Variants in BANP observed in about 807,000 individuals in gnomAD.
The protein encoded by BANP is BTG3 associated nuclear protein.
In BANP, 11 loss-of-function variants were observed where a neutral mutation model predicts 68.1. The ratio of observed to expected loss-of-function variants is 0.16; its 90% confidence interval spans 0.10 to 0.27. The LOEUF (loss-of-function observed/expected upper bound fraction) is 0.27, where lower values mean the gene tolerates loss of function less well. Ranked by LOEUF, BANP falls within the 10% of genes least tolerant of loss-of-function variation. The probability of loss-of-function intolerance (pLI) is 1.00; values close to 1 mark genes in which losing one functional copy is unlikely to be tolerated. For missense variants in BANP, 504 were observed against 722.7 expected (o/e 0.70, Z 3.47); for synonymous variants, 329 against 303.2 (o/e 1.09, Z -0.88).
chr16:88,033,567 C>T (rs369475669), intron 9 of BANP, among the ~76,000 whole-genome samples: 4 of 152,136 alleles, frequency 2.6e-5, no homozygotes, highest in South Asian at 2.1e-4. Context: ...TGCCCCAGCT[C>T]GTGCTCCTGG....
chr16:88,004,191 C>A lies in BANP; in HGVS notation c.363-104C>A. ...TGACTCTTAGGCCTCCCCCTCAGTGCGGGTCCCTGGGAGTGGACTGTGTTG... is the reference window on the plus strand; with the variant it reads ...TGACTCTTAGGCCTCCCCCTCAGTGAGGGTCCCTGGGAGTGGACTGTGTTG... On this transcript the variant is annotated intron_variant, in intron 4 of 13. Coordinates refer to ENST00000682872, the MANE Select transcript of BANP (RefSeq NM_001386991.1). This position sits in a 1 kb window ranked among gnomAD's most constrained non-coding sequence, Gnocchi z 7.0. The A allele has an allele frequency of 6.7e-6, 5 of 750,172 alleles. No homozygotes were observed. Among genetic ancestry groups the A allele is most frequent in the Admixed American group, 2.0e-5 (1 of 49,464 alleles). The allele number at this position is 750,172 out of a possible 1,614,324, so 46.5% of individuals were successfully genotyped here. A position where few individuals can be genotyped will look rare whatever the true frequency, so the allele number is the denominator to read the frequency against.
At chr16:88,029,582 G>A (rs2077709073) in intron 8 of BANP, among the ~76,000 whole-genome samples, 1 of 146,982 alleles carries the variant, frequency 6.8e-6, no homozygotes, top group African/African-American at 2.5e-5. Flanking sequence ...CTGCACTCCA[G>A]CCTGGGCTAC....
chr16:88,034,398 A>T (rs1162587846), intron 9 of BANP, among the ~76,000 whole-genome samples: 2 of 152,236 alleles, frequency 1.3e-5, no homozygotes, highest in Non-Finnish European at 2.9e-5. Flanking sequence ...CAAATAAGAT[A>T]AGGAGTATTC....
intron 12 of BANP, among the ~76,000 whole-genome samples, chr16:88,070,481 G>A (rs1013663731): frequency 6.6e-6 from 1 of 152,168 alleles, no homozygotes; most frequent in African/African-American, 2.4e-5. Context: ...AAGGTCGACC[G>A]CTCCTTAGGT....
chr16:88,005,024 C>G (rs1374867191), intron 5 of BANP, among the ~76,000 whole-genome samples: 1 of 152,200 alleles, frequency 6.6e-6, no homozygotes, highest in Non-Finnish European at 1.5e-5. Flanking sequence ...TCTTTCCCAT[C>G]TGTGTCTTCA....
rs1257164565 is a variant in BANP, at chr16:88,027,487, C to T, written c.900C>T (p.His300=). ...DPLTIYGIRC[H]LFYKFGITES... is the part of the protein sequence containing the mutation. Reference sequence around the variant, plus strand: ...TCCTTGGATGTGTCCTTCCAGGTCACCTTTTCTATAAATTTGGCATCACAG... The same window carrying T: ...TCCTTGGATGTGTCCTTCCAGGTCATCTTTTCTATAAATTTGGCATCACAG... Residue 300 remains histidine (H), a synonymous_variant, in exon 8 of 14, where the codon CAC becomes CAT. Transcript: ENST00000682872. 3 of 1,613,604 alleles carry T rather than the reference C, an allele frequency of 1.9e-6. No individual in the cohort carries two copies. Among genetic ancestry groups the T allele is most frequent in the East Asian group, 2.2e-5 (1 of 44,812 alleles).
At chr16:88,044,233 G>A (rs1228636100) in intron 11 of BANP, among the ~76,000 whole-genome samples, 4 of 152,214 alleles carry the variant, frequency 2.6e-5, no homozygotes, top group Admixed American at 2.6e-4. Context: ...CAGCATCTGC[G>A]CAAGCCACAG....
chr16:88,069,954 CTCCTCT>C (rs1225636907), intron 12 of BANP, among the ~76,000 whole-genome samples: 1 of 152,158 alleles, frequency 6.6e-6, no homozygotes, highest in East Asian at 1.9e-4. Context: ...TCTCCTGTTC[CTCCTCT>C]TCCCCCCAGC....
chr16:88,032,217 C>G (rs1297875329), intron 8 of BANP, among the ~76,000 whole-genome samples: 1 of 151,762 alleles, frequency 6.6e-6, no homozygotes, highest in African/African-American at 2.4e-5. Context: ...CCCCTGTACC[C>G]CCGAGATGGA....
At chr16:87,951,130 G>A (rs1470648450), upstream of BANP, among the ~76,000 whole-genome samples, 1 of 152,242 alleles carries the variant, frequency 6.6e-6, no homozygotes, top group East Asian at 1.9e-4. Flanking sequence ...TAGTAGTTGA[G>A]GGAGCTAATG....
At chr16:87,961,431 G>A (rs1162788873) in intron 1 of BANP, among the ~76,000 whole-genome samples, 1 of 91,334 alleles carries the variant, frequency 1.1e-5, no homozygotes, top group Non-Finnish European at 3.1e-5. Context: ...CTCCCAAAGT[G>A]CTGGGATTAC....
Position 88,025,744 on chromosome 16 carries a change from T to C in BANP, c.896-1739T>C, listed in dbSNP as rs187269610. ...CAAACACTTCTTCCTCTGTTTTAAT[T>C]ATTTCCACCATTTTAGTCTCAATGG... On this transcript the variant is annotated intron_variant, in intron 7 of 13. Transcript: ENST00000682872. 1.2e-3 allele frequency among the ~76,000 whole-genome samples: 176 copies of C among 152,340 alleles called. 1 individual carries two copies. Among genetic ancestry groups the C allele is most frequent in the African/African-American group, 3.9e-3 (164 of 41,574 alleles).
intron 13 of BANP, among the ~76,000 whole-genome samples, chr16:88,075,132 G>C (rs912105254): frequency 2.0e-5 from 3 of 152,116 alleles, no homozygotes; most frequent in Admixed American, 1.3e-4. Context: ...AATCACCTGA[G>C]GTCAGGAGTT....
At chr16:88,050,675 T>C (rs372525884) in intron 11 of BANP, among the ~76,000 whole-genome samples, 1 of 152,064 alleles carries the variant, frequency 6.6e-6, no homozygotes, top group Admixed American at 6.5e-5. Flanking sequence ...GGGGTGTGTA[T>C]TGGCTGTTTT....
chr16:88,063,283 C>T (rs796947589), intron 11 of BANP, among the ~76,000 whole-genome samples: 3 of 152,370 alleles, frequency 2.0e-5, no homozygotes, highest in Admixed American at 6.5e-5. Flanking sequence ...CCTCCCCTCC[C>T]CTCCCCGGTG....
chr16:88,071,886 G>A lies in BANP; in HGVS notation c.1378-183G>A, dbSNP rs995471243. On this transcript the variant is annotated intron_variant, in intron 12 of 13. Coordinates refer to ENST00000682872, the MANE Select transcript of BANP (RefSeq NM_001386991.1). The surrounding 1 kb of genome is among the most constrained non-coding windows in gnomAD (Gnocchi z 6.5). ...GGCACTCTCTCACTGGATCTGATGC[G>A]ACTTGAGAGCGATGGGGAGACAGGA... 1.3e-5 allele frequency: 10 copies of A among 794,358 alleles called. No homozygotes were observed. Among genetic ancestry groups the A allele is most frequent in the Middle Eastern group, 2.2e-4 (1 of 4,586 alleles). 49.2% of individuals were successfully genotyped at this position (794,358 alleles called of 1,614,324 possible).
intron 6 of BANP, among the ~76,000 whole-genome samples, chr16:88,008,224 T>A (rs2071850619): frequency 6.6e-6 from 1 of 152,224 alleles, no homozygotes; most frequent in African/African-American, 2.4e-5. Context: ...CCATCATCAG[T>A]TGATGGGCAT....
At chr16:87,970,727 A>C (rs565126213) in intron 1 of BANP, among the ~76,000 whole-genome samples, 33 of 152,344 alleles carry the variant, frequency 2.2e-4, no homozygotes, top group African/African-American at 7.7e-4. Flanking sequence ...GTCCTCAGAC[A>C]GAACTCTACC....
chr16:88,020,603 C>T (rs145738459), intron 7 of BANP, among the ~76,000 whole-genome samples: 375 of 152,326 alleles, frequency 2.5e-3, no homozygotes, highest in African/African-American at 8.4e-3. Context: ...GAGGCGCAGC[C>T]TGGACAGAGA....
Sources: gnomAD v4.1 joint callset for allele counts (sites outside exome capture counted in the v4.1 genomes callset) on GRCh38, gnomAD v4.1.1 for gene constraint, Gnocchi (gnomAD v3.1) non-coding constraint, MANE v1.5 for transcripts, NCBI Gene and HGNC (gene_info 2026-07-23, HGNC 2026-07-21) for gene names.